The following PPP4R2 variants were observed in gnomAD, a reference collection of about 807,000 sequenced individuals.
PPP4R2 encodes protein phosphatase 4 regulatory subunit 2.
A neutral mutation model predicts 47.2 loss-of-function variants in PPP4R2; 13 were observed. That is an observed-to-expected ratio of 0.28 (90% CI 0.18 to 0.44). PPP4R2 has a LOEUF of 0.44. Among genes scored for constraint, PPP4R2 ranks in the 20% least tolerant of loss-of-function variants. PPP4R2 has a pLI of 1.00. For missense variants in PPP4R2, 421 were observed against 491.2 expected (o/e 0.86, Z 1.35); for synonymous variants, 151 against 163.3 (o/e 0.92, Z 0.57).
At chr3:73,062,519 C>T in intron 5 of PPP4R2, 7 of 1,613,790 alleles carry the variant, frequency 4.3e-6, no homozygotes, top group Non-Finnish European at 5.9e-6. Flanking sequence ...TTGGTGTGAG[C>T]AAGAGGTCTA....
chr3:73,063,468 A>AC (rs2107345877), intron 5 of PPP4R2: 1 of 425,978 alleles, frequency 2.3e-6, no homozygotes, highest in East Asian at 4.7e-5. Context: ...TACTAAAAAT[A>AC]AAAAAAATAG....
chr3:73,055,145 G>A (rs1031676072), intron 3 of PPP4R2, among the ~76,000 whole-genome samples: 1 of 152,082 alleles, frequency 6.6e-6, no homozygotes, highest in African/African-American at 2.4e-5. Flanking sequence ...CTATACTTTT[G>A]GTTTTGTTGG....
At chr3:73,004,948 TG>T (rs1701571179) in intron 2 of PPP4R2, among the ~76,000 whole-genome samples, 4 of 31,966 alleles carry the variant, frequency 1.3e-4, no homozygotes, top group African/African-American at 3.7e-4. Flanking sequence ...CGGAGTCGTG[TG>T]TGTGTGTGTG....
Position 73,060,438 on chromosome 3 carries a change from A to G in PPP4R2, c.382-585A>G, listed in dbSNP as rs1483032458. 2.6e-5 allele frequency among the ~76,000 whole-genome samples: 4 copies of G among 152,294 alleles called. No homozygotes were observed. The South Asian group carries it at 6.2e-4, about 24-fold the overall frequency. On this transcript the variant is annotated intron_variant, in intron 4 of 8. Transcript: ENST00000356692. The stretch of plus-strand genomic sequence containing the variant: ...ATAGTTGTGTGACCTTGGGCCAGTT[A>G]GTTTTCTCCTCTGTAAAATGTGGTT...
chr3:73,044,648 A>G (rs766517020), intron 2 of PPP4R2, among the ~76,000 whole-genome samples: 2 of 152,154 alleles, frequency 1.3e-5, no homozygotes, highest in Non-Finnish European at 2.9e-5. Context: ...TGTTTTTTAG[A>G]TAATAGCCAA....
intron 2 of PPP4R2, among the ~76,000 whole-genome samples, chr3:73,007,715 T>C (rs533686600): frequency 1.3e-5 from 2 of 152,232 alleles, no homozygotes; most frequent in South Asian, 4.1e-4. Flanking sequence ...TCTCGAACTC[T>C]TGACCTCAAG....
chr3:73,028,505 C>T (rs1168983931), intron 2 of PPP4R2, among the ~76,000 whole-genome samples: 1 of 151,968 alleles, frequency 6.6e-6, no homozygotes, highest in Non-Finnish European at 1.5e-5. Flanking sequence ...CCACCAGGCT[C>T]GAGTGCAGTG....
chr3:73,015,179 C>T lies in PPP4R2; in HGVS notation c.116+17021C>T, dbSNP rs543586215. Among the ~76,000 whole-genome samples the T allele has an allele frequency of 6.6e-5, 10 of 152,248 alleles. No individual in the cohort carries two copies. The South Asian group carries it at 1.5e-3, about 22-fold the overall frequency. ...ACACTACCCACAAGATCTAAGATTG[C>T]TCTCTGCTATCTTTTTTTGAGACAG... is the stretch of plus-strand genomic sequence containing the variant. On this transcript the variant is annotated intron_variant, in intron 2 of 8. Coordinates refer to ENST00000356692, the MANE Select transcript of PPP4R2 (RefSeq NM_174907.4).
chr3:73,010,932 TTACAAC>T (rs1701711952), intron 2 of PPP4R2, among the ~76,000 whole-genome samples: 1 of 152,236 alleles, frequency 6.6e-6, no homozygotes, highest in Non-Finnish European at 1.5e-5. Context: ...GATTTAGTCT[TTACAAC>T]TACTATCTGA....
rs138671104 is a variant in PPP4R2 at position 73,046,958 on chromosome 3, A to C, written c.117-228A>C. ...CAGAGGTAGTTCATTTAAAAGATCT[A>C]AATGAGAGATCTGGGTTTTGTTTGG... is the stretch of plus-strand genomic sequence containing the variant. On this transcript the variant is annotated intron_variant, in intron 2 of 8. Transcript: ENST00000356692. Among the ~76,000 whole-genome samples the C allele has an allele frequency of 5.8e-3, 887 of 152,292 alleles. 6 individuals are homozygous for C. The highest frequency in any genetic ancestry group is 9.3e-3 in the Non-Finnish European group (636 of 68,026).
rs1702995053 is a variant in PPP4R2, at chr3:73,066,262, A to ATATATATATATATATATATATAT, written c.*540_*541insTATATATATATATATATATATAT. 2 of 143,942 alleles carry ATATATATATATATATATATATAT rather than the reference A, an allele frequency of 1.4e-5. No homozygotes were observed. Among genetic ancestry groups the ATATATATATATATATATATATAT allele is most frequent in the South Asian group, 2.1e-4 (1 of 4,662 alleles). The allele number at this position is 143,942 out of a possible 1,614,324, so 8.9% of individuals were successfully genotyped here. On this transcript the variant is annotated 3_prime_UTR_variant, in exon 9 of 9. Transcript: ENST00000356692. ...TACATATATATATATATATATATAT[A>ATATATATATATATATATATATAT]ATTCTAAGGGGGGAAATGTTATATT... is the stretch of plus-strand genomic sequence containing the variant.
At chr3:73,043,763 A>T (rs1702427492) in intron 2 of PPP4R2, among the ~76,000 whole-genome samples, 1 of 152,204 alleles carries the variant, frequency 6.6e-6, no homozygotes. Flanking sequence ...AAATATACCT[A>T]ATGTAAACCT....
At chr3:73,004,875 TTGTTTGTTTG>T in intron 2 of PPP4R2, among the ~76,000 whole-genome samples, 1 of 68,792 alleles carries the variant, frequency 1.5e-5, no homozygotes, top group South Asian at 3.4e-4. Context: ...GTGTGTTTGT[TTGTTTGTTTG>T]TGTGTGTGTG....
intron 2 of PPP4R2, among the ~76,000 whole-genome samples, chr3:73,016,728 T>TTTTTC (rs1286429168): frequency 1.6e-5 from 2 of 126,614 alleles, no homozygotes; most frequent in African/African-American, 3.0e-5. Context: ...ATTGGTTCAT[T>TTTTTC]GTTTATTTTT....
chr3:73,055,894 C>T (rs965350083), intron 3 of PPP4R2, among the ~76,000 whole-genome samples: 1 of 152,136 alleles, frequency 6.6e-6, no homozygotes, highest in African/African-American at 2.4e-5. Context: ...GCGTGAGCCA[C>T]CGTGCCTGGC....
intron 2 of PPP4R2, among the ~76,000 whole-genome samples, chr3:73,041,217 G>C (rs1254538538): frequency 1.3e-5 from 2 of 152,228 alleles, no homozygotes; most frequent in East Asian, 3.9e-4. Flanking sequence ...CTGTTCCACT[G>C]ATCTATTTTA....
intron 2 of PPP4R2, among the ~76,000 whole-genome samples, chr3:73,043,696 T>C (rs577790025): frequency 1.3e-5 from 2 of 152,370 alleles, no homozygotes; most frequent in South Asian, 4.1e-4. Flanking sequence ...ATGCTGAGCA[T>C]CTTTTCATAT....
At chr3:73,040,351 C>T (rs72889067) in intron 2 of PPP4R2, among the ~76,000 whole-genome samples, 11,985 of 152,092 alleles carry the variant, frequency 0.079, 611 homozygotes, top group African/African-American at 0.14. Context: ...AAAGTCTTGA[C>T]GTATGTACTT....
At chr3:73,032,401 G>C (rs1702182833) in intron 2 of PPP4R2, among the ~76,000 whole-genome samples, 1 of 52,478 alleles carries the variant, frequency 1.9e-5, no homozygotes, top group Non-Finnish European at 4.2e-5. Context: ...CGATTCTCCT[G>C]CCTCAGCCTC....
Sources: gnomAD v4.1 joint callset for allele counts (sites outside exome capture counted in the v4.1 genomes callset) on GRCh38, gnomAD v4.1.1 for gene constraint, MANE v1.5 for transcripts, NCBI Gene and HGNC (gene_info 2026-07-23, HGNC 2026-07-21) for gene names.